HVCN1: variants seen among roughly 807,000 people sequenced by gnomAD.
The protein encoded by HVCN1 is voltage-gated hydrogen channel 1.
In HVCN1, 14 loss-of-function variants were observed where a neutral mutation model predicts 29.2. The ratio of observed to expected loss-of-function variants is 0.48; its 90% CI spans 0.32 to 0.75. HVCN1 has a LOEUF of 0.75. HVCN1 is among the 30% of genes least tolerant of loss of function. The pLI is 0.04. For missense variants in HVCN1, 263 were observed against 341.8 expected (o/e 0.77, Z 1.82); for synonymous variants, 131 against 133.2 (o/e 0.98, Z 0.11).
At position 110,667,586 on chromosome 12, in the gene HVCN1, C is replaced by T. The variant is rs559751387; in HGVS notation, c.22-6138G>A. On this transcript the variant is annotated intron_variant, in intron 3 of 7. Coordinates refer to ENST00000242607, the MANE Select transcript of HVCN1 (RefSeq NM_032369.4). ...CTGGAACTATAGGCACATACCATCA[C>T]GCTCAGCTAATTTTTTGTATTTTTT... 9.9e-5 allele frequency among the ~76,000 whole-genome samples: 15 copies of T among 152,194 alleles called. No individual in the cohort carries two copies. In the East Asian group the frequency reaches 2.7e-3, roughly 27 times the overall value.
chr12:110,668,341 AAAAC>A, intron 3 of HVCN1, among the ~76,000 whole-genome samples: 1 of 152,200 alleles, frequency 6.6e-6, no homozygotes, highest in Middle Eastern at 3.4e-3. Flanking sequence ...ATCTCTATTA[AAAAC>A]AAACAAAAAA....
chr12:110,649,815 A>C (rs1247453697), intron 7 of HVCN1, among the ~76,000 whole-genome samples: 1 of 151,716 alleles, frequency 6.6e-6, no homozygotes, highest in Non-Finnish European at 1.5e-5. Context: ...GCTCTGCTGC[A>C]GGCGGGTGCT....
chr12:110,674,889 G>A (rs1212892569), intron 3 of HVCN1, among the ~76,000 whole-genome samples: 1 of 152,194 alleles, frequency 6.6e-6, no homozygotes, highest in African/African-American at 2.4e-5. Context: ...CCAGCCTGCA[G>A]GGAGTTAAGT....
Position 110,672,702 on chromosome 12 carries a change from G to A in HVCN1, c.21+10523C>T, listed in dbSNP as rs368643789. ...TTCTCATGTGTTGCTGGAGGCACCC[G>A]GGGGAGGTAACTGAAACATGGGGGC... On this transcript the variant is annotated intron_variant, in intron 3 of 7. Coordinates refer to ENST00000242607, the MANE Select transcript of HVCN1 (RefSeq NM_032369.4). Among the ~76,000 whole-genome samples the A allele has an allele frequency of 1.5e-3, 233 of 152,204 alleles. 2 individuals are homozygous for A. Among genetic ancestry groups the A allele is most frequent in the African/African-American group, 5.4e-3 (225 of 41,522 alleles).
chr12:110,668,575 C>T (rs1274027464), intron 3 of HVCN1, among the ~76,000 whole-genome samples: 7 of 152,312 alleles, frequency 4.6e-5, no homozygotes, highest in Middle Eastern at 3.4e-3. Flanking sequence ...TTTCATTTCT[C>T]TGCCCACTGC....
At chr12:110,691,298 C>T (rs1321031298), upstream of HVCN1, among the ~76,000 whole-genome samples, 6 of 147,296 alleles carry the variant, frequency 4.1e-5, no homozygotes, top group Non-Finnish European at 7.5e-5. Context: ...CTCCTGACCT[C>T]GTGCTCCGTC....
At chr12:110,696,136 T>C (rs1473251575) in intron 2 of HVCN1, among the ~76,000 whole-genome samples, 1 of 151,306 alleles carries the variant, frequency 6.6e-6, no homozygotes, top group African/African-American at 2.4e-5. Context: ...TTTTTTTCAG[T>C]TGAGATGGGG....
At chr12:110,699,357 C>T (rs1293646112) in intron 2 of HVCN1, among the ~76,000 whole-genome samples, 4 of 152,100 alleles carry the variant, frequency 2.6e-5, no homozygotes, top group South Asian at 4.1e-4. Flanking sequence ...AGAGCCATGG[C>T]GAATGGCCAC....
chr12:110,698,078 C>T (rs1482495736), intron 2 of HVCN1, among the ~76,000 whole-genome samples: 1 of 152,172 alleles, frequency 6.6e-6, no homozygotes, highest in Non-Finnish European at 1.5e-5. Context: ...TCAGTGGGCT[C>T]CTTCTCTGCC....
At chr12:110,704,053 TGACA>T (rs2069585730) in intron 1 of HVCN1, among the ~76,000 whole-genome samples, 1 of 152,144 alleles carries the variant, frequency 6.6e-6, no homozygotes, top group Non-Finnish European at 1.5e-5. Flanking sequence ...CCAGTTTGAT[TGACA>T]ATTTGACTGC....
chr12:110,656,852 T>C (rs1247768693), intron 4 of HVCN1, among the ~76,000 whole-genome samples: 1 of 152,200 alleles, frequency 6.6e-6, no homozygotes, highest in Non-Finnish European at 1.5e-5. Context: ...TTCAGCAAGC[T>C]TAATAAAGGT....
intron 3 of HVCN1, among the ~76,000 whole-genome samples, chr12:110,682,368 T>C (rs936184079): frequency 1.4e-4 from 22 of 152,052 alleles, no homozygotes; most frequent in Non-Finnish European, 3.1e-4. Context: ...CCTGGCTAAT[T>C]TTTGTATTTT....
chr12:110,692,000 T>C (rs901012344), upstream of HVCN1, among the ~76,000 whole-genome samples: 1 of 152,244 alleles, frequency 6.6e-6, no homozygotes, highest in African/African-American at 2.4e-5. Context: ...TTGTCGTGTT[T>C]ACTGAAATAC....
At chr12:110,687,347 G>A (rs1030922086) in intron 2 of HVCN1, among the ~76,000 whole-genome samples, 5 of 151,902 alleles carry the variant, frequency 3.3e-5, no homozygotes, top group Admixed American at 1.3e-4. Context: ...GGGTGGTCAG[G>A]GACAACTCGA....
At chr12:110,684,002 G>A (rs961577561) in intron 2 of HVCN1, among the ~76,000 whole-genome samples, 2 of 150,878 alleles carry the variant, frequency 1.3e-5, no homozygotes, top group African/African-American at 4.9e-5. Context: ...ACCATGCTAA[G>A]TGAAAAAAGC....
At chr12:110,649,907 G>A (rs908041559) in intron 7 of HVCN1, among the ~76,000 whole-genome samples, 2 of 152,058 alleles carry the variant, frequency 1.3e-5, no homozygotes, top group Admixed American at 6.6e-5. Flanking sequence ...GTGCAATGGC[G>A]CGATCTTGGC....
At chr12:110,669,784 G>A (rs902775754) in intron 3 of HVCN1, among the ~76,000 whole-genome samples, 1 of 152,118 alleles carries the variant, frequency 6.6e-6, no homozygotes, top group Non-Finnish European at 1.5e-5. Flanking sequence ...GGCCGGGCGC[G>A]GTGGCTCAAG....
Position 110,655,250 on chromosome 12 carries a change from T to C in HVCN1, c.395A>G (p.Asn132Ser), listed in dbSNP as rs769713018. The C allele has an allele frequency of 2.5e-6, 4 of 1,613,582 alleles. No individual in the cohort carries two copies. Among genetic ancestry groups the C allele is most frequent in the South Asian group, 2.2e-5 (2 of 91,064 alleles). ...LDLKIIQPDK[N>S]NYAAMVFHYM... ...AACCCCTACCATGGCAGCATAGTTA[T>C]TCTTGTCGGGCTGGATGATCTTCAG... is the stretch of plus-strand genomic sequence containing the variant. Residue 132 changes from asparagine (N) to serine (S), a missense_variant, in exon 5 of 8, where the codon AAT becomes AGT. Asn to Ser is a conservative substitution (Grantham distance 46). Transcript: ENST00000242607.
chr12:110,700,474 C>A (rs992826085), intron 2 of HVCN1, among the ~76,000 whole-genome samples: 6 of 152,140 alleles, frequency 3.9e-5, no homozygotes, highest in African/African-American at 1.4e-4. Flanking sequence ...GAGTGAGTAT[C>A]TTTTGAAGAA....
Sources: gnomAD v4.1 joint callset for allele counts (sites outside exome capture counted in the v4.1 genomes callset) on GRCh38, gnomAD v4.1.1 for gene constraint, MANE v1.5 for transcripts, NCBI Gene and HGNC (gene_info 2026-07-23, HGNC 2026-07-21) for gene names.